COX7B2: variants seen among roughly 807,000 people sequenced by gnomAD.
COX7B2 encodes the protein cytochrome c oxidase subunit 7B2, also known as cytochrome c oxidase subunit 7B2, mitochondrial.
For missense variants in COX7B2, 109 were observed against 95.9 expected, an observed-to-expected ratio of 1.14 and a Z score of -0.57; for synonymous variants, 37 against 32.1, an observed-to-expected ratio of 1.15 and a Z score of -0.51.
chr4:46,736,102 G>A (rs866603355), intron 2 of COX7B2, among the ~76,000 whole-genome samples: 5 of 152,260 alleles, frequency 3.3e-5, no homozygotes, highest in South Asian at 4.1e-4. Flanking sequence ...AATGTATAAT[G>A]ACATGTATCC....
chr4:46,736,215 CA>C (rs531224739), intron 2 of COX7B2, among the ~76,000 whole-genome samples: 154 of 152,274 alleles, frequency 1.0e-3, no homozygotes, highest in African/African-American at 3.6e-3. Context: ...TCCTGCTGCT[CA>C]CCACACAGAA....
chr4:46,902,813 G>A (rs12650839), intron 1 of COX7B2, among the ~76,000 whole-genome samples: 15,770 of 152,172 alleles, frequency 0.1, 970 homozygotes, highest in South Asian at 0.23. Context: ...GGAGGCAGAG[G>A]TTGCAGTGAG....
intron 2 of COX7B2, among the ~76,000 whole-genome samples, chr4:46,785,678 AC>A (rs1445349149): frequency 1.3e-5 from 2 of 152,240 alleles, no homozygotes; most frequent in Non-Finnish European, 2.9e-5. Flanking sequence ...AAAAGCAATG[AC>A]AAGCATGTTA....
At chr4:46,906,321 A>G (rs1011905383) in intron 1 of COX7B2, among the ~76,000 whole-genome samples, 9 of 152,188 alleles carry the variant, frequency 5.9e-5, no homozygotes, top group Non-Finnish European at 1.0e-4. Context: ...CAGGGGCCCA[A>G]AGAGAACTAA....
rs33927124 is a variant in COX7B2, at chr4:46,837,274, TACACACACAC to T, written c.-50+7676_-50+7685del. ...AATGTAGTATGAACACACAAAGACA[TACACACACAC>T]ACACACACACACACACACACACACA... On this transcript the variant is annotated intron_variant, in intron 2 of 2. Transcript: ENST00000355591. 1.9e-3 allele frequency among the ~76,000 whole-genome samples: 250 copies of T among 133,352 alleles called. 1 individual carries two copies. The highest frequency in any genetic ancestry group is 4.4e-3 in the Admixed American group (59 of 13,348). 87.5% of individuals were successfully genotyped at this position (133,352 alleles called of 152,430 possible).
At chr4:46,887,235 G>T (rs531077265) in intron 1 of COX7B2, among the ~76,000 whole-genome samples, 2 of 152,240 alleles carry the variant, frequency 1.3e-5, no homozygotes, top group African/African-American at 4.8e-5. Context: ...ACCCTAAAGG[G>T]TATGGGCAAA....
chr4:46,805,038 G>C (rs1186522804), intron 2 of COX7B2, among the ~76,000 whole-genome samples: 2 of 152,274 alleles, frequency 1.3e-5, no homozygotes, highest in East Asian at 3.9e-4. Context: ...TGGCCCAGGT[G>C]CTAACCTCTC....
rs538558324 is a variant in COX7B2, at chr4:46,797,834, T to C, written c.-50+47126A>G. ...CATTGCTTGGGCAAATAACACATCC[T>C]CTGGTAGCTGGTATGAAGCCGTTGA... On this transcript the variant is annotated intron_variant, in intron 2 of 2. Coordinates refer to ENST00000355591, the MANE Select transcript of COX7B2 (RefSeq NM_130902.3). 2.8e-4 allele frequency among the ~76,000 whole-genome samples: 43 copies of C among 152,320 alleles called. 1 individual carries two copies. Among genetic ancestry groups the C allele is most frequent in the African/African-American group, 8.9e-4 (37 of 41,588 alleles).
intron 2 of COX7B2, among the ~76,000 whole-genome samples, chr4:46,737,417 T>A (rs185864886): frequency 6.6e-6 from 1 of 152,168 alleles, no homozygotes; most frequent in African/African-American, 2.4e-5. Flanking sequence ...TAAGGAATTA[T>A]CTTTTTATTC....
chr4:46,804,458 T>C (rs1718864473), intron 2 of COX7B2, among the ~76,000 whole-genome samples: 1 of 152,174 alleles, frequency 6.6e-6, no homozygotes, highest in Non-Finnish European at 1.5e-5. Flanking sequence ...GACAGGGTGC[T>C]GATTGGTGTG....
chr4:46,757,309 AGGTGGGAG>A, intron 2 of COX7B2, among the ~76,000 whole-genome samples: 1 of 63,258 alleles, frequency 1.6e-5, no homozygotes, highest in South Asian at 4.9e-4. Context: ...AGACTATGAA[AGGTGGGAG>A]GGTGGGAGGG....
intron 2 of COX7B2, among the ~76,000 whole-genome samples, chr4:46,786,216 CT>C: frequency 6.6e-6 from 1 of 152,286 alleles, no homozygotes; most frequent in East Asian, 1.9e-4. Flanking sequence ...GCCATTCCTG[CT>C]CTTTATAATT....
At chr4:46,794,360 A>G (rs1046374411) in intron 2 of COX7B2, among the ~76,000 whole-genome samples, 5 of 152,186 alleles carry the variant, frequency 3.3e-5, no homozygotes, top group African/African-American at 1.2e-4. Flanking sequence ...AACACGGACC[A>G]AAAGATGGTA....
intron 2 of COX7B2, among the ~76,000 whole-genome samples, chr4:46,791,525 G>C (rs1718047073): frequency 6.6e-6 from 1 of 152,146 alleles, no homozygotes; most frequent in Admixed American, 6.5e-5. Flanking sequence ...CTTATAGTTA[G>C]CTAGCTAGAA....
At chr4:46,837,999 A>G (rs1715651610) in intron 2 of COX7B2, among the ~76,000 whole-genome samples, 1 of 152,076 alleles carries the variant, frequency 6.6e-6, no homozygotes, top group Non-Finnish European at 1.5e-5. Flanking sequence ...TATTTATGGA[A>G]TCCTAGATGC....
At chr4:46,883,372 C>A (rs1159086363) in intron 1 of COX7B2, among the ~76,000 whole-genome samples, 1 of 126,832 alleles carries the variant, frequency 7.9e-6, no homozygotes, top group Non-Finnish European at 1.7e-5. Flanking sequence ...TTCAGAATTC[C>A]CTTTCTGTAT....
At chr4:46,838,911 A>G (rs1019245849) in intron 2 of COX7B2, among the ~76,000 whole-genome samples, 1 of 151,594 alleles carries the variant, frequency 6.6e-6, no homozygotes, top group African/African-American at 2.4e-5. Context: ...CAAAATCTGC[A>G]CCAAATACAT....
chr4:46,754,555 G>A (rs77513124), intron 2 of COX7B2, among the ~76,000 whole-genome samples: 26,172 of 100,350 alleles, frequency 0.26, 4,568 homozygotes, highest in South Asian at 0.43. Context: ...GTGGGGGGAG[G>A]GGGGAGGGAT....
chr4:46,786,182 T>G (rs927605524), intron 2 of COX7B2, among the ~76,000 whole-genome samples: 1 of 152,200 alleles, frequency 6.6e-6, no homozygotes, highest in African/African-American at 2.4e-5. Context: ...TCATAACCAC[T>G]GGTAAAATAT....
Sources: gnomAD v4.1 joint callset for allele counts (sites outside exome capture counted in the v4.1 genomes callset) on GRCh38, gnomAD v4.1.1 for gene constraint, MANE v1.5 for transcripts, NCBI Gene and HGNC (gene_info 2026-07-23, HGNC 2026-07-21) for gene names.